The following BLTP1 variants were observed in gnomAD, a reference collection of about 807,000 sequenced individuals.
The protein encoded by BLTP1 is fragile site-associated protein.
the BLTP1 span, chr4:122,236,895 G>A: frequency 1.0e-6 from 1 of 984,954 alleles, no homozygotes; most frequent in South Asian, 4.7e-5. Context: ...ATACGTACCT[G>A]AGTTTCTGAT....
the BLTP1 span, chr4:122,301,073 T>C: frequency 1.1e-6 from 1 of 906,558 alleles, no homozygotes; most frequent in African/African-American, 1.8e-5. Flanking sequence ...TTCAATAATA[T>C]ATACAGTGTT....
At chr4:122,154,032 A>T in the BLTP1 span, 3 of 985,142 alleles carry the variant, frequency 3.0e-6, no homozygotes, top group Non-Finnish European at 3.6e-6. Context: ...CAGGTTTGTT[A>T]AGATGAAACA....
At chr4:122,198,433 T>C in the BLTP1 span, 1 of 985,372 alleles carries the variant, frequency 1.0e-6, no homozygotes, top group Non-Finnish European at 1.2e-6. Flanking sequence ...TTGAGAGTTT[T>C]ACGCAATTGA....
chr4:122,235,697 C>A, the BLTP1 span: 1 of 153,076 alleles, frequency 6.5e-6, no homozygotes, highest in South Asian at 2.1e-4. Flanking sequence ...CCCAGCTACT[C>A]GGGAGGCTGA....
chr4:122,226,608 T>C, the BLTP1 span: 1 of 1,546,660 alleles, frequency 6.5e-7, no homozygotes, highest in Non-Finnish European at 8.6e-7. Context: ...AGTGTTTGGG[T>C]TCTTTCAAGC....
chr4:122,189,954 A>G, the BLTP1 span: 18 of 1,593,210 alleles, frequency 1.1e-5, no homozygotes, highest in South Asian at 6.8e-5. Context: ...AACATTTTAT[A>G]TTCTGGAGAT....
chr4:122,192,157 C>G, the BLTP1 span: 1 of 1,515,836 alleles, frequency 6.6e-7, no homozygotes, highest in Non-Finnish European at 8.9e-7. Flanking sequence ...AATGTTGGAG[C>G]TACTGATCTA....
At chr4:122,317,247 G>A in the BLTP1 span, among the ~76,000 whole-genome samples, 156 of 151,918 alleles carry the variant, frequency 1.0e-3, 1 homozygote, top group East Asian at 0.016. Flanking sequence ...CAGGAGAATC[G>A]CTTGAGCCCG....
At chr4:122,353,186 C>A in the BLTP1 span, 1 of 1,605,596 alleles carries the variant, frequency 6.2e-7, no homozygotes, top group East Asian at 2.2e-5. This position sits in a 1 kb window ranked among gnomAD's most constrained non-coding sequence, Gnocchi z 4.3. Context: ...CTTTTACTTT[C>A]TCCTATCTTC....
chr4:122,205,983 A>G, the BLTP1 span: 1 of 984,924 alleles, frequency 1.0e-6, no homozygotes, highest in South Asian at 4.7e-5. Flanking sequence ...CTGCTATGGT[A>G]GATGGTAGAT....
the BLTP1 span, chr4:122,350,161 G>A: frequency 8.8e-6 from 13 of 1,469,306 alleles, no homozygotes; most frequent in South Asian, 1.5e-4. Flanking sequence ...TAATCTGTAT[G>A]CCCCACTTAG....
chr4:122,278,253 AT>A, the BLTP1 span, among the ~76,000 whole-genome samples: 5,454 of 152,262 alleles, frequency 0.036, 340 homozygotes, highest in African/African-American at 0.12. Flanking sequence ...CCAGCCATTT[AT>A]TCCTTCGCTA....
the BLTP1 span, chr4:122,336,797 C>A: frequency 1.4e-6 from 2 of 1,383,550 alleles, no homozygotes; most frequent in East Asian, 2.5e-5. Context: ...CCTTTCATCT[C>A]ACTCTAGTAT....
At chr4:122,266,667 A>G in the BLTP1 span, 55 of 877,480 alleles carry the variant, frequency 6.3e-5, no homozygotes, top group Non-Finnish European at 8.2e-5. Context: ...ACACTATGAT[A>G]ATAATAATAT....
chr4:122,191,154 A>G, the BLTP1 span, among the ~76,000 whole-genome samples: 1 of 152,166 alleles, frequency 6.6e-6, no homozygotes, highest in Non-Finnish European at 1.5e-5. Flanking sequence ...AGTGTTTTTA[A>G]TATTTGGTGT....
chr4:122,327,127 T>TTTTGTTTTG, the BLTP1 span, among the ~76,000 whole-genome samples: 128 of 151,572 alleles, frequency 8.4e-4, 2 homozygotes, highest in East Asian at 0.016. Flanking sequence ...TTTTGTTTTG[T>TTTTGTTTTG]TTTGTTTGAC....
chr4:122,224,398 A>T, the BLTP1 span: 1 of 1,206,206 alleles, frequency 8.3e-7, no homozygotes, highest in Non-Finnish European at 1.1e-6. Context: ...AGATGGCATG[A>T]GTTTATTGTT....
At chr4:122,278,327 C>T in the BLTP1 span, among the ~76,000 whole-genome samples, 1 of 152,126 alleles carries the variant, frequency 6.6e-6, no homozygotes, top group African/African-American at 2.4e-5. Context: ...GAGAAATGCG[C>T]ACCCTTTAAT....
At chr4:122,327,034 C>T in the BLTP1 span, among the ~76,000 whole-genome samples, 1 of 151,764 alleles carries the variant, frequency 6.6e-6, no homozygotes, top group East Asian at 1.9e-4. Flanking sequence ...TTTATAAAGG[C>T]TTATTACTGC....
Sources: allele counts gnomAD v4.1 joint callset (sites outside exome capture counted in the v4.1 genomes callset), GRCh38; gene constraint gnomAD v4.1.1; non-coding constraint Gnocchi (gnomAD v3.1); transcripts MANE v1.5; gene names NCBI Gene and HGNC (gene_info 2026-07-23, HGNC 2026-07-21).